Variants in ZNF385D observed in about 807,000 individuals in gnomAD.
ZNF385D encodes the protein zinc finger protein 385D.
ZNF385D carries 15 observed loss-of-function variants against 35.8 expected under a neutral mutation model. That is an observed-to-expected ratio of 0.42 (90% CI 0.28 to 0.64). The LOEUF (loss-of-function observed/expected upper bound fraction) is 0.64, where lower values mean the gene tolerates loss of function less well. Among genes scored for constraint, ZNF385D ranks in the 30% least tolerant of loss-of-function variants. The pLI, the probability that ZNF385D is intolerant of heterozygous loss-of-function variation, is 0.23. For synonymous variants in ZNF385D, 212 were observed against 186.8 expected (o/e 1.13, Z -1.10); for missense variants, 474 against 494.6 (o/e 0.96, Z 0.39).
chr3:22,041,517 G>A (rs1388950194), intron 3 of ZNF385D, among the ~76,000 whole-genome samples: 1 of 152,118 alleles, frequency 6.6e-6, no homozygotes, highest in Non-Finnish European at 1.5e-5. Flanking sequence ...TACAGAATGT[G>A]GAAGGCATAG....
At chr3:22,310,779 C>T (rs1028136456) in intron 2 of ZNF385D, among the ~76,000 whole-genome samples, 6 of 151,558 alleles carry the variant, frequency 4.0e-5, no homozygotes, top group South Asian at 2.1e-4. Flanking sequence ...TGATAAGCTT[C>T]GACAGCTTTA....
intron 4 of ZNF385D, among the ~76,000 whole-genome samples, chr3:21,458,906 C>G (rs1033786702): frequency 6.6e-6 from 1 of 151,990 alleles, no homozygotes; most frequent in Non-Finnish European, 1.5e-5. Flanking sequence ...ATACTAAAAC[C>G]AGTTAATTGT....
chr3:21,760,313 T>A (rs1295942246), intron 3 of ZNF385D, among the ~76,000 whole-genome samples: 1 of 152,204 alleles, frequency 6.6e-6, no homozygotes, highest in Admixed American at 6.5e-5. Context: ...TGAATACAAC[T>A]GGAGGAACTT....
chr3:22,220,457 C>A (rs1191781485), intron 2 of ZNF385D, among the ~76,000 whole-genome samples: 1 of 152,142 alleles, frequency 6.6e-6, no homozygotes, highest in Non-Finnish European at 1.5e-5. Context: ...TCTCAACTGG[C>A]AATATCACAG....
chr3:21,667,929 A>T (rs2066455548), intron 1 of ZNF385D, among the ~76,000 whole-genome samples: 1 of 152,222 alleles, frequency 6.6e-6, no homozygotes, highest in Non-Finnish European at 1.5e-5. Flanking sequence ...GGGTTAAAAA[A>T]ACCTTCAAAG....
intron 3 of ZNF385D, among the ~76,000 whole-genome samples, chr3:21,920,679 A>G (rs1427489265): frequency 1.3e-5 from 2 of 151,850 alleles, no homozygotes; most frequent in Non-Finnish European, 2.9e-5. Flanking sequence ...CTAGGATACT[A>G]TAATTTTGTG....
At chr3:21,927,556 T>A (rs1700791778) in intron 3 of ZNF385D, among the ~76,000 whole-genome samples, 1 of 152,222 alleles carries the variant, frequency 6.6e-6, no homozygotes, top group Admixed American at 6.5e-5. Context: ...ATTGCTGGGC[T>A]GAATTTTTAA....
At chr3:21,474,250 G>T (rs1432603351) in intron 4 of ZNF385D, among the ~76,000 whole-genome samples, 1 of 151,972 alleles carries the variant, frequency 6.6e-6, no homozygotes, top group South Asian at 2.1e-4. Context: ...ATCCACAGTG[G>T]CAGGAGAAGT....
chr3:21,975,656 G>C (rs1430755577), intron 3 of ZNF385D, among the ~76,000 whole-genome samples: 1 of 146,342 alleles, frequency 6.8e-6, no homozygotes, highest in African/African-American at 2.5e-5. Context: ...TACCTCATGT[G>C]CCCTCTATGA....
At chr3:21,776,272 TA>T (rs2071283526) in intron 3 of ZNF385D, among the ~76,000 whole-genome samples, 1 of 151,930 alleles carries the variant, frequency 6.6e-6, no homozygotes, top group Non-Finnish European at 1.5e-5. Context: ...TTTCCTTGGA[TA>T]AAGCCTTGAA....
In ZNF385D at chr3:22,153,232, C is replaced by T. The variant is rs118087201; in HGVS notation, c.325+15585G>A. ...GCAACCTCCTGTCTGCTGATGGTGC[C>T]CCACTTCTGCCCTCTTAGGTACTCT... On this transcript the variant is annotated intron_variant, in intron 3 of 5. Transcript: ENST00000494108. Among the ~76,000 whole-genome samples, 41 of 152,140 alleles carry T rather than the reference C, an allele frequency of 2.7e-4. No individual in the cohort carries two copies. The East Asian group carries it at 8.0e-3, about 30-fold the overall frequency.
intron 2 of ZNF385D, among the ~76,000 whole-genome samples, chr3:22,227,693 G>T (rs1698643658): frequency 6.7e-6 from 1 of 150,256 alleles, no homozygotes; most frequent in African/African-American, 2.5e-5. Flanking sequence ...GCCATGTCAT[G>T]ATACCATTGC....
rs561306546 is a variant in ZNF385D, at chr3:21,626,498, G to A, written c.165+38388C>T. ...GTTCTGATCTGTGACATTTCCTTTT[G>A]CTCCTTGTGGGATGTTCCTGTCTGA... On this transcript the variant is annotated intron_variant, in intron 2 of 7. Coordinates refer to ENST00000281523, the MANE Select transcript of ZNF385D (RefSeq NM_024697.3). Among the ~76,000 whole-genome samples, 65 of 152,216 alleles carry A rather than the reference G, an allele frequency of 4.3e-4. 1 individual carries two copies. Among genetic ancestry groups the A allele is most frequent in the Non-Finnish European group, 6.2e-4 (42 of 67,998 alleles).
At chr3:22,172,425 A>G (rs1200393964) in intron 2 of ZNF385D, among the ~76,000 whole-genome samples, 1 of 152,226 alleles carries the variant, frequency 6.6e-6, no homozygotes, top group Non-Finnish European at 1.5e-5. Context: ...GAGAAAAAAT[A>G]AAAGTAGAAA....
chr3:22,024,529 T>C (rs1697421462), intron 3 of ZNF385D, among the ~76,000 whole-genome samples: 2 of 152,040 alleles, frequency 1.3e-5, no homozygotes, highest in South Asian at 4.2e-4. Context: ...GAACTAATAG[T>C]ATAATAGTTA....
chr3:22,210,067 T>C (rs532670225), intron 2 of ZNF385D, among the ~76,000 whole-genome samples: 6 of 151,896 alleles, frequency 4.0e-5, no homozygotes, highest in Admixed American at 2.6e-4. Context: ...AAGAAACCTA[T>C]AGGAAACTTA....
chr3:22,336,756 T>C (rs947605724), intron 2 of ZNF385D, among the ~76,000 whole-genome samples: 1 of 151,716 alleles, frequency 6.6e-6, no homozygotes, highest in South Asian at 2.1e-4. Flanking sequence ...ACCAAATTTT[T>C]GCATAATGTG....
intron 2 of ZNF385D, among the ~76,000 whole-genome samples, chr3:22,189,097 C>G (rs1361678485): frequency 6.6e-6 from 1 of 152,034 alleles, no homozygotes; most frequent in African/African-American, 2.4e-5. Context: ...TCCAACATTT[C>G]TACAGTTTTT....
At chr3:22,041,288 T>C (rs927663425) in intron 3 of ZNF385D, among the ~76,000 whole-genome samples, 7 of 152,158 alleles carry the variant, frequency 4.6e-5, no homozygotes, top group Admixed American at 1.3e-4. Flanking sequence ...CATTGAACTA[T>C]AGCCAGGCAT....
Sources: allele counts gnomAD v4.1 joint callset (sites outside exome capture counted in the v4.1 genomes callset), GRCh38; gene constraint gnomAD v4.1.1; transcripts MANE v1.5; gene names NCBI Gene and HGNC (gene_info 2026-07-23, HGNC 2026-07-21).